ERI3: variants seen among roughly 807,000 people sequenced by gnomAD.
ERI3 encodes the protein ERI1 exoribonuclease 3.
Under a neutral mutation model 44.4 loss-of-function variants are expected in ERI3, and 18 were observed. The observed-to-expected ratio is 0.41, with a 90% CI of 0.28 to 0.60. ERI3 has a LOEUF of 0.60. Ranked by LOEUF, ERI3 falls within the 20% of genes least tolerant of loss-of-function variation. ERI3 has a pLI of 0.36. For synonymous variants in ERI3, 183 were observed against 164.8 expected, an observed-to-expected ratio of 1.11 and a Z score of -0.84; for missense variants, 294 against 435.5, an observed-to-expected ratio of 0.68 and a Z score of 2.89.
At chr1:44,238,753 C>T (rs887883072) in intron 8 of ERI3, among the ~76,000 whole-genome samples, 2 of 151,986 alleles carry the variant, frequency 1.3e-5, no homozygotes, top group Non-Finnish European at 2.9e-5. Flanking sequence ...TAGCCTCCCC[C>T]CACAGAGGCC....
chr1:44,248,694 TGAGA>T (rs932091619), intron 7 of ERI3, among the ~76,000 whole-genome samples: 4 of 127,546 alleles, frequency 3.1e-5, no homozygotes, highest in Non-Finnish European at 6.6e-5. Context: ...TGTATGTGTG[TGAGA>T]GAGAGTGTGT....
chr1:44,244,216 A>G (rs1042428300), intron 8 of ERI3: 2 of 153,052 alleles, frequency 1.3e-5, no homozygotes, highest in African/African-American at 4.8e-5. Context: ...TGGAGTCAGC[A>G]GTTCTAGATG....
intron 6 of ERI3, among the ~76,000 whole-genome samples, chr1:44,288,181 A>G (rs1253720604): frequency 6.6e-6 from 1 of 152,156 alleles, no homozygotes; most frequent in African/African-American, 2.4e-5. Flanking sequence ...TCAGCCTGAG[A>G]TATGGCTCAG....
chr1:44,301,413 CCT>C (rs1309119229), intron 6 of ERI3, among the ~76,000 whole-genome samples: 3 of 152,168 alleles, frequency 2.0e-5, no homozygotes, highest in Non-Finnish European at 4.4e-5. Flanking sequence ...GGACTGAGGC[CCT>C]GACTACAGCC....
At chr1:44,302,280 T>A (rs1371021061) in intron 6 of ERI3, among the ~76,000 whole-genome samples, 1 of 152,238 alleles carries the variant, frequency 6.6e-6, no homozygotes, top group Non-Finnish European at 1.5e-5. Flanking sequence ...TCTAAAAACA[T>A]GCAAACTTAA....
At chr1:44,352,698 C>G (rs1646919832) in intron 2 of ERI3, 152 bp downstream of exon 2, 1 of 779,734 alleles carries the variant, frequency 1.3e-6, no homozygotes, top group Admixed American at 2.9e-5. Flanking sequence ...GTTACTTTAT[C>G]AGAAGAAGCT....
At chr1:44,326,451 T>C (rs959033566) in intron 3 of ERI3, among the ~76,000 whole-genome samples, 1 of 152,242 alleles carries the variant, frequency 6.6e-6, no homozygotes, top group African/African-American at 2.4e-5. Context: ...AGCTTATTTC[T>C]TAAACAAACA....
intron 7 of ERI3, among the ~76,000 whole-genome samples, chr1:44,260,282 C>T (rs1644868317): frequency 1.3e-5 from 2 of 152,218 alleles, no homozygotes; most frequent in Non-Finnish European, 2.9e-5. Context: ...TTCTCAGGAC[C>T]AGTGGCCTCT....
At chr1:44,275,790 C>T (rs1645169648) in intron 7 of ERI3, among the ~76,000 whole-genome samples, 1 of 152,158 alleles carries the variant, frequency 6.6e-6, no homozygotes, top group Non-Finnish European at 1.5e-5. Flanking sequence ...TGGCTGAGCC[C>T]TGTCTGCCAG....
At chr1:44,323,036 C>A (rs1646236612) in intron 3 of ERI3, 3 of 907,428 alleles carry the variant, frequency 3.3e-6, no homozygotes, top group Non-Finnish European at 3.0e-6. Flanking sequence ...TTTCTCTCAG[C>A]CAATTTCATC....
intron 7 of ERI3, among the ~76,000 whole-genome samples, chr1:44,263,621 G>A (rs1461843290): frequency 6.6e-6 from 1 of 152,218 alleles, no homozygotes; most frequent in African/African-American, 2.4e-5. Flanking sequence ...GTGGCTTCCT[G>A]GACAGCTTCC....
intron 3 of ERI3, among the ~76,000 whole-genome samples, chr1:44,324,390 C>CT (rs1164325468): frequency 1.3e-5 from 2 of 151,422 alleles, no homozygotes; most frequent in African/African-American, 4.9e-5. Context: ...CCTCCCTGAA[C>CT]TACTATAAAC....
chr1:44,287,991 G>A (rs999348085), intron 6 of ERI3, among the ~76,000 whole-genome samples: 4 of 152,178 alleles, frequency 2.6e-5, no homozygotes, highest in African/African-American at 9.7e-5. Context: ...TTTGGCTCTG[G>A]CTAGCCCTGG....
Position 44,221,643 on chromosome 1 carries a change from A to G in ERI3, c.932-3T>C, listed in dbSNP as rs763373312. ...GTTGGCAATGTTCTTGCAGTCGTCTAAAAAGGAGAGAAGACATTTAGATCA... is the reference window on the plus strand; with the variant it reads ...GTTGGCAATGTTCTTGCAGTCGTCTGAAAAGGAGAGAAGACATTTAGATCA... On this transcript the variant is annotated splice_region_variant and splice_polypyrimidine_tract_variant and intron_variant, in intron 8 of 8. Transcript: ENST00000372257. This position sits in a 1 kb window ranked among gnomAD's most constrained non-coding sequence, Gnocchi z 5.9. 2.5e-6 allele frequency: 4 copies of G among 1,613,112 alleles called. No homozygotes were observed. The highest frequency in any genetic ancestry group is 2.2e-5 in the East Asian group (1 of 44,862).
chr1:44,246,441 T>C (rs1196844337), intron 8 of ERI3, among the ~76,000 whole-genome samples: 1 of 152,234 alleles, frequency 6.6e-6, no homozygotes, highest in Non-Finnish European at 1.5e-5. Context: ...TTGGAAAACA[T>C]CTGTGAAACA....
intron 7 of ERI3, 75 bp from the exon 8 acceptor site, chr1:44,248,113 C>G: frequency 1.0e-6 from 1 of 973,444 alleles, no homozygotes; most frequent in South Asian, 1.6e-5. Context: ...GTCTTCCCCC[C>G]ACCCCCCAAA....
chr1:44,345,219 G>C (rs779814788), intron 2 of ERI3, among the ~76,000 whole-genome samples: 1 of 152,228 alleles, frequency 6.6e-6, no homozygotes, highest in South Asian at 2.1e-4. Flanking sequence ...CTGGAGGGGT[G>C]AGCAGAGGGG....
intron 1 of ERI3, chr1:44,353,538 T>C: frequency 3.0e-6 from 3 of 985,468 alleles, no homozygotes; most frequent in South Asian, 4.7e-5. Flanking sequence ...CACCTAGGGT[T>C]GGAACTAATA....
intron 3 of ERI3, among the ~76,000 whole-genome samples, chr1:44,321,549 T>C (rs1400458739): frequency 2.0e-5 from 3 of 152,156 alleles, no homozygotes; most frequent in African/African-American, 7.2e-5. Context: ...AAATACACAT[T>C]GGTCCCCCTG....
Sources: allele counts gnomAD v4.1 joint callset (sites outside exome capture counted in the v4.1 genomes callset), GRCh38; gene constraint gnomAD v4.1.1; non-coding constraint Gnocchi (gnomAD v3.1); transcripts MANE v1.5; gene names NCBI Gene and HGNC (gene_info 2026-07-23, HGNC 2026-07-21).